SLC35F1: variants seen among roughly 807,000 people sequenced by gnomAD.
SLC35F1 encodes the protein solute carrier family 35 member F1, also known as chromosome 6 open reading frame 169.
In SLC35F1, 14 loss-of-function variants were observed where a neutral mutation model predicts 48.7. That is an observed-to-expected ratio of 0.29 (90% CI 0.19 to 0.45). SLC35F1 has a LOEUF of 0.45. SLC35F1 is among the 20% of genes least tolerant of loss of function. The probability of loss-of-function intolerance (pLI) is 1.00; values close to 1 mark genes in which losing one functional copy is unlikely to be tolerated. For missense variants in SLC35F1, 404 were observed against 500.0 expected (o/e 0.81, Z 1.83); for synonymous variants, 190 against 202.2 (o/e 0.94, Z 0.51).
chr6:118,208,864 G>C (rs189199095), intron 2 of SLC35F1, among the ~76,000 whole-genome samples: 5 of 152,178 alleles, frequency 3.3e-5, no homozygotes, highest in African/African-American at 1.2e-4. Context: ...ACCTTCTCCT[G>C]CCCTTCTGTC....
intron 1 of SLC35F1, among the ~76,000 whole-genome samples, chr6:118,063,407 G>A (rs1311643886): frequency 6.9e-6 from 1 of 145,942 alleles, no homozygotes; most frequent in East Asian, 2.1e-4. Flanking sequence ...CAGATAAAGG[G>A]GCAAAAAGTC....
intron 2 of SLC35F1, among the ~76,000 whole-genome samples, chr6:118,219,510 C>G (rs1308226355): frequency 1.3e-5 from 2 of 152,106 alleles, no homozygotes; most frequent in Non-Finnish European, 2.9e-5. Context: ...AGTCAGGAAA[C>G]AACAGGTGCT....
chr6:118,150,126 A>T (rs775256561), intron 1 of SLC35F1, among the ~76,000 whole-genome samples: 1 of 152,232 alleles, frequency 6.6e-6, no homozygotes, highest in African/African-American at 2.4e-5. Context: ...CAGTTAACTT[A>T]TCTATAAAAT....
At chr6:118,286,805 T>TGTTTGTGTG (rs1562351393) in intron 7 of SLC35F1, among the ~76,000 whole-genome samples, 3 of 143,986 alleles carry the variant, frequency 2.1e-5, no homozygotes, top group African/African-American at 7.9e-5. Context: ...GTGTGTGTGT[T>TGTTTGTGTG]TGTGTGTGTG....
At chr6:118,181,021 A>C (rs1355941929) in intron 2 of SLC35F1, among the ~76,000 whole-genome samples, 1 of 152,174 alleles carries the variant, frequency 6.6e-6, no homozygotes, top group Non-Finnish European at 1.5e-5. Context: ...AGAGAAGTGT[A>C]ATAATACCAA....
Position 118,119,498 on chromosome 6 carries a change from C to G in SLC35F1, c.174-34947C>G, listed in dbSNP as rs1462867872. 3.3e-4 allele frequency among the ~76,000 whole-genome samples: 23 copies of G among 69,804 alleles called. 2 individuals carry two copies. Among genetic ancestry groups the G allele is most frequent in the African/African-American group, 1.2e-3 (23 of 19,664 alleles). The allele number at this position is 69,804 out of a possible 152,430, so 45.8% of individuals were successfully genotyped here. A position where few individuals can be genotyped will look rare whatever the true frequency, so the allele number is the denominator to read the frequency against. On this transcript the variant is annotated intron_variant, in intron 1 of 7. Coordinates refer to ENST00000360388, the MANE Select transcript of SLC35F1 (RefSeq NM_001029858.4). ...CATGATGCAGTAATAACCGGCGCCCCCCCTCCACCCCGCTTTTTTTTTTGA... is the reference window on the plus strand; with the variant it reads ...CATGATGCAGTAATAACCGGCGCCCGCCCTCCACCCCGCTTTTTTTTTTGA...
At chr6:118,051,487 A>G (rs75662522) in intron 1 of SLC35F1, among the ~76,000 whole-genome samples, 2,214 of 152,284 alleles carry the variant, frequency 0.015, 61 homozygotes, top group African/African-American at 0.05. Context: ...TCTAAATACT[A>G]TAGTTAGAAG....
At chr6:118,037,356 A>AT (rs1206701003) in intron 1 of SLC35F1, among the ~76,000 whole-genome samples, 1 of 152,006 alleles carries the variant, frequency 6.6e-6, no homozygotes, top group Non-Finnish European at 1.5e-5. Flanking sequence ...TTTTTTGGAT[A>AT]TGGGTTTACA....
chr6:117,942,033 G>C (rs1776239719), intron 1 of SLC35F1, among the ~76,000 whole-genome samples: 1 of 152,216 alleles, frequency 6.6e-6, no homozygotes. Flanking sequence ...TCATGGAGGA[G>C]AGTAAAGTGT....
chr6:117,983,299 G>T (rs1776805761), intron 1 of SLC35F1, among the ~76,000 whole-genome samples: 2 of 152,116 alleles, frequency 1.3e-5, no homozygotes, highest in Admixed American at 1.3e-4. Flanking sequence ...TGTGGAGGAA[G>T]CATTTGGTGG....
chr6:118,017,979 A>AGT (rs1435819564), intron 1 of SLC35F1, among the ~76,000 whole-genome samples: 10 of 152,212 alleles, frequency 6.6e-5, no homozygotes, highest in African/African-American at 2.2e-4. Flanking sequence ...AAGTGGAAGG[A>AGT]GTGTTAGACT....
chr6:118,261,430 T>C (rs1269008851), intron 3 of SLC35F1, among the ~76,000 whole-genome samples: 1 of 152,184 alleles, frequency 6.6e-6, no homozygotes, highest in Non-Finnish European at 1.5e-5. Flanking sequence ...AATATGCATA[T>C]ATACATATGC....
Position 118,084,694 on chromosome 6 carries a change from C to G in SLC35F1, c.174-69751C>G, listed in dbSNP as rs137918844. Reference sequence around the variant, plus strand: ...TTCTGGCTCAAGCAATGAGGGTATGCTGAATGTAGAAGTCATTGAAAGGAC... The same window carrying G: ...TTCTGGCTCAAGCAATGAGGGTATGGTGAATGTAGAAGTCATTGAAAGGAC... On this transcript the variant is annotated intron_variant, in intron 1 of 7. Coordinates refer to ENST00000360388, the MANE Select transcript of SLC35F1 (RefSeq NM_001029858.4). 4.7e-3 allele frequency among the ~76,000 whole-genome samples: 714 copies of G among 152,030 alleles called. 2 individuals are homozygous for G. The highest frequency in any genetic ancestry group is 7.0e-3 in the Non-Finnish European group (476 of 67,988).
At chr6:118,104,995 T>A (rs763750304) in intron 1 of SLC35F1, among the ~76,000 whole-genome samples, 1 of 152,192 alleles carries the variant, frequency 6.6e-6, no homozygotes, top group Non-Finnish European at 1.5e-5. Flanking sequence ...AGCTTGTTCT[T>A]AAAGCCTTCC....
chr6:117,924,846 G>A (rs965847263), intron 1 of SLC35F1, among the ~76,000 whole-genome samples: 2 of 151,984 alleles, frequency 1.3e-5, no homozygotes, highest in Non-Finnish European at 2.9e-5. Flanking sequence ...CTCTGTGCAG[G>A]GTTGAGTGAA....
intron 1 of SLC35F1, among the ~76,000 whole-genome samples, chr6:118,058,463 T>C (rs1772492507): frequency 6.6e-6 from 1 of 152,054 alleles, no homozygotes; most frequent in South Asian, 2.1e-4. Context: ...TTTAATCCCA[T>C]TGCTCTGTAT....
chr6:118,160,718 C>T (rs1774217462), intron 2 of SLC35F1, among the ~76,000 whole-genome samples: 1 of 152,136 alleles, frequency 6.6e-6, no homozygotes, highest in African/African-American at 2.4e-5. Context: ...CTGCTTACAT[C>T]CCCTTTCTCC....
At chr6:118,239,006 G>C (rs1775402763) in intron 3 of SLC35F1, among the ~76,000 whole-genome samples, 1 of 151,786 alleles carries the variant, frequency 6.6e-6, no homozygotes, top group Non-Finnish European at 1.5e-5. Flanking sequence ...CACAATGTCT[G>C]TACACCCAGT....
intron 1 of SLC35F1, among the ~76,000 whole-genome samples, chr6:118,135,156 G>T (rs996748266): frequency 6.6e-6 from 1 of 152,102 alleles, no homozygotes; most frequent in African/African-American, 2.4e-5. Context: ...CCTTACATCC[G>T]ATCTTTAGTG....
Sources: gnomAD v4.1 joint callset for allele counts (sites outside exome capture counted in the v4.1 genomes callset) on GRCh38, gnomAD v4.1.1 for gene constraint, MANE v1.5 for transcripts, NCBI Gene and HGNC (gene_info 2026-07-23, HGNC 2026-07-21) for gene names.